The following RANBP2 variants were observed in gnomAD, a reference collection of about 807,000 sequenced individuals.
RANBP2 encodes E3 SUMO-protein ligase RanBP2.
A neutral mutation model predicts 303.6 loss-of-function variants in RANBP2; 57 were observed. The ratio of observed to expected loss-of-function variants is 0.19; its 90% CI spans 0.15 to 0.23. The LOEUF (loss-of-function observed/expected upper bound fraction) is 0.23. RANBP2 is among the 10% of genes least tolerant of loss of function. The probability of loss-of-function intolerance (pLI) is 1.00; values close to 1 mark genes in which losing one functional copy is unlikely to be tolerated. For synonymous variants in RANBP2, 1,167 were observed against 1,301.5 expected, an observed-to-expected ratio of 0.90 and a Z score of 2.23; for missense variants, 3,138 against 3,780.8, an observed-to-expected ratio of 0.83 and a Z score of 4.46.
chr2:109,350,598 G>A, the RANBP2 span, among the ~76,000 whole-genome samples: 14 of 152,270 alleles, frequency 9.2e-5, no homozygotes, highest in Non-Finnish European at 7.4e-5. Flanking sequence ...CTCAGTGTCC[G>A]CAAATAAAGG....
chr2:109,246,599 C>T, the RANBP2 span, among the ~76,000 whole-genome samples: 1 of 152,036 alleles, frequency 6.6e-6, no homozygotes, highest in Non-Finnish European at 1.5e-5. Context: ...CTGTAGTACC[C>T]TCCAGCCTTC....
chr2:109,165,065 G>C, the RANBP2 span, among the ~76,000 whole-genome samples: 1 of 152,198 alleles, frequency 6.6e-6, no homozygotes, highest in Non-Finnish European at 1.5e-5. Flanking sequence ...TTGGCAGTGG[G>C]CCTGGACAGA....
the RANBP2 span, among the ~76,000 whole-genome samples, chr2:109,530,028 G>A: frequency 6.6e-6 from 1 of 152,216 alleles, no homozygotes; most frequent in Non-Finnish European, 1.5e-5. Context: ...TAAGACAGAT[G>A]TTTCTGCTCT....
chr2:109,647,564 G>C, the RANBP2 span, among the ~76,000 whole-genome samples: 1 of 151,100 alleles, frequency 6.6e-6, no homozygotes, highest in African/African-American at 2.4e-5. Context: ...CGCCTCCCGG[G>C]TTCAAGTGAT....
chr2:109,002,022 G>A, the RANBP2 span, among the ~76,000 whole-genome samples: 6 of 152,124 alleles, frequency 3.9e-5, no homozygotes, highest in Admixed American at 2.6e-4. Context: ...GAGCCACTGC[G>A]CCCAGCCCAT....
the RANBP2 span, among the ~76,000 whole-genome samples, chr2:109,674,007 C>G: frequency 6.6e-6 from 1 of 152,062 alleles, no homozygotes; most frequent in South Asian, 2.1e-4. Context: ...GAGATACTAT[C>G]TGTTTTGTGA....
At chr2:109,033,392 G>A in the RANBP2 span, among the ~76,000 whole-genome samples, 2 of 152,120 alleles carry the variant, frequency 1.3e-5, no homozygotes, top group Non-Finnish European at 2.9e-5. Context: ...TTCTGTCTAG[G>A]TCCTGCCGCT....
chr2:109,591,935 T>G, the RANBP2 span, among the ~76,000 whole-genome samples: 1 of 151,978 alleles, frequency 6.6e-6, no homozygotes, highest in Non-Finnish European at 1.5e-5. Context: ...CTTACTGAAT[T>G]ACCTATGTTT....
chr2:108,726,465 C>T (rs529146239), intron 1 of RANBP2, among the ~76,000 whole-genome samples: 7 of 138,696 alleles, frequency 5.0e-5, no homozygotes, highest in Admixed American at 4.4e-4. Flanking sequence ...GCTTAAACAA[C>T]AGAAATTTAT....
chr2:109,555,442 ACTT>A, the RANBP2 span, among the ~76,000 whole-genome samples: 1 of 152,062 alleles, frequency 6.6e-6, no homozygotes, highest in Non-Finnish European at 1.5e-5. Context: ...TTCACATGTA[ACTT>A]CTTCTGTAAA....
the RANBP2 span, chr2:109,347,743 T>C: frequency 6.2e-7 from 1 of 1,613,830 alleles, no homozygotes. Flanking sequence ...TGACCTCAAG[T>C]TCAACAAGGG....
At chr2:109,718,027 C>A in the RANBP2 span, among the ~76,000 whole-genome samples, 1 of 152,054 alleles carries the variant, frequency 6.6e-6, no homozygotes, top group East Asian at 1.9e-4. Context: ...TTGAGAACTG[C>A]AAAACTGACA....
the RANBP2 span, among the ~76,000 whole-genome samples, chr2:109,315,744 G>A: frequency 0.31 from 47,389 of 152,016 alleles, 9,145 homozygotes; most frequent in African/African-American, 0.55. Context: ...CATTATGTCT[G>A]GCTATTGTGA....
downstream of RANBP2, among the ~76,000 whole-genome samples, chr2:108,785,981 T>C (rs1277546268): frequency 6.6e-6 from 1 of 152,194 alleles, no homozygotes; most frequent in African/African-American, 2.4e-5. Context: ...AGTAAAAGAT[T>C]ACACCACTGT....
chr2:109,224,832 G>A, the RANBP2 span, among the ~76,000 whole-genome samples: 964 of 152,204 alleles, frequency 6.3e-3, 15 homozygotes, highest in African/African-American at 0.022. Context: ...AGTCCAGCCT[G>A]GGTGACAGAG....
the RANBP2 span, among the ~76,000 whole-genome samples, chr2:108,925,165 C>T: frequency 6.6e-6 from 1 of 151,362 alleles, no homozygotes; most frequent in Non-Finnish European, 1.5e-5. Context: ...CTGGGAGGCC[C>T]TCCAGGGCAA....
the RANBP2 span, among the ~76,000 whole-genome samples, chr2:109,721,206 C>T: frequency 6.6e-5 from 10 of 152,196 alleles, no homozygotes; most frequent in Non-Finnish European, 8.8e-5. Flanking sequence ...AAACCTCCCT[C>T]GGAACACGAA....
the RANBP2 span, among the ~76,000 whole-genome samples, chr2:109,761,582 G>C: frequency 6.7e-6 from 1 of 148,268 alleles, no homozygotes; most frequent in Non-Finnish European, 1.5e-5. Flanking sequence ...AATTCCAGTT[G>C]CGGGTGTCTT....
At chr2:109,232,554 C>T in the RANBP2 span, among the ~76,000 whole-genome samples, 1 of 152,110 alleles carries the variant, frequency 6.6e-6, no homozygotes. Flanking sequence ...GTTCAATAAG[C>T]GTGGACCTTT....
Sources: gnomAD v4.1 joint callset for allele counts (sites outside exome capture counted in the v4.1 genomes callset) on GRCh38, gnomAD v4.1.1 for gene constraint, MANE v1.5 for transcripts, NCBI Gene and HGNC (gene_info 2026-07-23, HGNC 2026-07-21) for gene names.